Variants in ZNF474 observed in about 807,000 individuals in gnomAD.
ZNF474 encodes 4933409D10Rik.
For synonymous variants in ZNF474, 192 were observed against 162.2 expected (o/e 1.18, Z -1.39); for missense variants, 511 against 433.8 (o/e 1.18, Z -1.58).
At position 122,152,966 on chromosome 5, in the gene ZNF474, C is replaced by G; in HGVS notation, c.976C>G (p.Leu326Val). The change falls in exon 2 of 2, where the codon CTA becomes GTA. Residue 326 changes from leucine (L) to valine (V), a missense_variant. By Grantham distance (32) the Leu-to-Val change is conservative (BLOSUM62 1). Coordinates refer to ENST00000296600, the MANE Select transcript of ZNF474 (RefSeq NM_207317.3). ...QNLNLGSKGG[L>V]KEYTNSKQQR... ...TTTGAATTTAGGGAGTAAAGGAGGC[C>G]TAAAAGAGTACACTAATTCCAAGCA... The G allele has an allele frequency of 6.2e-7, 1 of 1,613,954 alleles. No homozygotes were observed. Among genetic ancestry groups the G allele is most frequent in the Non-Finnish European group, 8.5e-7 (1 of 1,180,020 alleles).
rs1157775097 is a variant in ZNF474, at chr5:122,152,104, T to C, written c.114T>C (p.Tyr38=). 2 of 1,614,190 alleles carry C rather than the reference T, an allele frequency of 1.2e-6. No homozygotes were observed. The highest frequency in any genetic ancestry group is 1.7e-6 in the Non-Finnish European group (2 of 1,180,016). Residue 38 remains tyrosine (Y), a synonymous_variant, in exon 2 of 2, where the codon TAT becomes TAC. Transcript: ENST00000296600. ...CTGGGCTTCTCTCTAGTGACTCCTA[T>C]TCTAGCCTTTCCCCAGAAACAGAGA... The part of the protein sequence containing the change: ...NQAGLLSSDS[Y]SSLSPETESV...
chr5:122,147,409 T>G (rs1438247425), intron 1 of ZNF474, among the ~76,000 whole-genome samples: 1 of 152,190 alleles, frequency 6.6e-6, no homozygotes, highest in Non-Finnish European at 1.5e-5. Context: ...AGTTCTAGGG[T>G]AAATGTGCAC....
At position 122,152,824 on chromosome 5, in the gene ZNF474, A is replaced by G. The variant is rs747994646; in HGVS notation, c.834A>G (p.Gly278=). 1.2e-6 allele frequency: 2 copies of G among 1,614,154 alleles called. No homozygotes were observed. Among genetic ancestry groups the G allele is most frequent in the Non-Finnish European group, 1.7e-6 (2 of 1,180,012 alleles). ...PLPNAQSSQA[G]PNQAQLVFCP... ...CGAATGCACAGTCCAGCCAAGCGGG[A>G]CCAAATCAAGCTCAGCTTGTGTTCT... Residue 278 remains glycine, a synonymous_variant, in exon 2 of 2, where the codon GGA becomes GGG. Coordinates refer to ENST00000296600, the MANE Select transcript of ZNF474 (RefSeq NM_207317.3).
At chr5:122,148,867 G>C (rs752954515) in intron 1 of ZNF474, among the ~76,000 whole-genome samples, 5 of 151,866 alleles carry the variant, frequency 3.3e-5, no homozygotes, top group Admixed American at 1.3e-4. Context: ...CTCCTGAGTA[G>C]CTGGGATTAC....
chr5:122,152,013 G>A lies in ZNF474; in HGVS notation c.23G>A (p.Arg8Lys). Reference protein sequence around the residue: MERGKKKRISNKLQQTFH... With the variant: MERGKKKKISNKLQQTFH... ...TTAATGGAAAGAGGAAAGAAGAAAA[G>A]AATTTCCAATAAGTTACAACAAACT... Residue 8 changes from arginine to lysine, a missense_variant, in exon 2 of 2, where the codon AGA becomes AAA. Arg to Lys is a conservative substitution (Grantham distance 26). Coordinates refer to ENST00000296600, the MANE Select transcript of ZNF474 (RefSeq NM_207317.3). 6.2e-7 allele frequency: 1 copy of A among 1,609,690 alleles called. No homozygotes were observed. The highest frequency in any genetic ancestry group is 8.5e-7 in the Non-Finnish European group (1 of 1,179,020).
intron 1 of ZNF474, among the ~76,000 whole-genome samples, chr5:122,131,025 T>G (rs993567585): frequency 4.6e-5 from 7 of 152,156 alleles, no homozygotes; most frequent in Non-Finnish European, 8.8e-5. Flanking sequence ...ATGGTAACCA[T>G]TATTGCACTC....
Position 122,152,321 on chromosome 5 carries a change from A to G in ZNF474, c.331A>G (p.Ile111Val). ...GREFGSQSIA[I>V]HEPQCLQKWH... ...AGAATTTGGGTCCCAGTCAATTGCC[A>G]TTCATGAACCCCAGTGCTTGCAGAA... The change falls in exon 2 of 2, where the codon ATT becomes GTT. Residue 111 changes from isoleucine (I) to valine (V), a missense_variant. Ile to Val is a conservative substitution (Grantham distance 29, BLOSUM62 3). Transcript: ENST00000296600. The G allele has an allele frequency of 6.2e-7, 1 of 1,614,148 alleles. No individual in the cohort carries two copies.
chr5:122,136,757 GCTGT>G (rs1755712858), intron 1 of ZNF474, among the ~76,000 whole-genome samples: 2 of 152,098 alleles, frequency 1.3e-5, no homozygotes, highest in Non-Finnish European at 2.9e-5. Context: ...ATATTACAAA[GCTGT>G]CTGATAACAC....
chr5:122,131,308 G>A (rs1450427174), intron 1 of ZNF474, among the ~76,000 whole-genome samples: 3 of 151,980 alleles, frequency 2.0e-5, no homozygotes, highest in Non-Finnish European at 4.4e-5. Flanking sequence ...TCCCACTGCT[G>A]GGTATATATC....
Position 122,152,411 on chromosome 5 carries a change from T to C in ZNF474, c.421T>C (p.Ser141Pro). 1 of 1,614,120 alleles carries C rather than the reference T, an allele frequency of 6.2e-7. No individual in the cohort carries two copies. Residue 141 changes from serine (S) to proline (P), a missense_variant, in exon 2 of 2, where the codon TCT becomes CCT. Transcript: ENST00000296600. ...GAGGCCAGAACCCTCCAAACCACAG[T>C]CTCTCAGCAGCAGTGGGTCCTACAG... The part of the protein sequence containing the change: ...LRRPEPSKPQ[S>P]LSSSGSYSLQ...
intron 1 of ZNF474, among the ~76,000 whole-genome samples, chr5:122,146,734 G>A (rs559535703): frequency 3.9e-5 from 6 of 152,298 alleles, no homozygotes; most frequent in African/African-American, 1.2e-4. Flanking sequence ...GGGCTTCTAT[G>A]ATGGTTCCAG....
rs76644132 is a variant in ZNF474, at chr5:122,142,442, G to C, written c.-212-9337G>C. The stretch of plus-strand genomic sequence containing the variant: ...AGTTATTGGTCATGGAGTGGAAGGA[G>C]GCTTTCTATAAATGTTGAACCACAA... On this transcript the variant is annotated intron_variant, in intron 1 of 1. Transcript: ENST00000296600. Among the ~76,000 whole-genome samples the C allele has an allele frequency of 4.9e-3, 747 of 152,280 alleles. 7 individuals are homozygous for C. The highest frequency in any genetic ancestry group is 0.017 in the African/African-American group (722 of 41,558).
chr5:122,140,829 A>C (rs530616081), intron 1 of ZNF474, among the ~76,000 whole-genome samples: 12 of 152,226 alleles, frequency 7.9e-5, no homozygotes, highest in Non-Finnish European at 5.9e-5. Context: ...TGGGCACCAC[A>C]GGCAGCATCT....
chr5:122,153,062 C>T lies in ZNF474; in HGVS notation c.1072C>T (p.Pro358Ser), dbSNP rs1243563571. The T allele has an allele frequency of 2.5e-6, 4 of 1,612,210 alleles. No homozygotes were observed. The South Asian group carries it at 4.4e-5, about 18-fold the overall frequency. The change falls in exon 2 of 2, where the codon CCT (proline) becomes TCT (serine). Residue 358 changes from proline (P) to serine (S), a missense_variant. By Grantham distance (74) the Pro-to-Ser change is moderately conservative (BLOSUM62 -1). Coordinates refer to ENST00000296600, the MANE Select transcript of ZNF474 (RefSeq NM_207317.3). ...IHATQDALGE[P>S]GGALCL Reference sequence around the variant, plus strand: ...TGCCACACAAGACGCATTAGGTGAACCTGGTGGTGCCCTCTGCCTGTAGGG... The same window carrying T: ...TGCCACACAAGACGCATTAGGTGAATCTGGTGGTGCCCTCTGCCTGTAGGG...
At chr5:122,133,630 G>C (rs544099483) in intron 1 of ZNF474, among the ~76,000 whole-genome samples, 24 of 152,274 alleles carry the variant, frequency 1.6e-4, no homozygotes, top group African/African-American at 5.5e-4. Flanking sequence ...CACAATCACA[G>C]CTCACTGCAC....
Position 122,151,966 on chromosome 5 carries a change from G to C in ZNF474, c.-25G>C. 2 of 1,591,028 alleles carry C rather than the reference G, an allele frequency of 1.3e-6. No individual in the cohort carries two copies. Among genetic ancestry groups the C allele is most frequent in the Non-Finnish European group, 1.7e-6 (2 of 1,173,310 alleles). ...TGAGTCTGGCCTGAAATCAGAGCAA[G>C]CACTACAGAAAGACATCTTTGTTAA... On this transcript the variant is annotated 5_prime_UTR_variant, in exon 2 of 2. Transcript: ENST00000296600.
intron 1 of ZNF474, among the ~76,000 whole-genome samples, chr5:122,134,979 A>G (rs1755667202): frequency 6.6e-6 from 1 of 152,218 alleles, no homozygotes; most frequent in South Asian, 2.1e-4. Flanking sequence ...ACAGGCAACC[A>G]AAACAAAAAT....
intron 1 of ZNF474, among the ~76,000 whole-genome samples, chr5:122,148,185 T>C (rs1288411728): frequency 1.3e-5 from 2 of 152,264 alleles, no homozygotes; most frequent in Non-Finnish European, 2.9e-5. Flanking sequence ...TGCTGTGCCA[T>C]GGCATGTTGC....
chr5:122,153,265 C>A lies in ZNF474; in HGVS notation c.*180C>A, dbSNP rs529155402. ...ATCCTTGCCTGATGGGTTCATATTC[C>A]TCTTCAATTCTGCTGTCTAAAAGAA... On this transcript the variant is annotated 3_prime_UTR_variant, in exon 2 of 2. Coordinates refer to ENST00000296600, the MANE Select transcript of ZNF474 (RefSeq NM_207317.3). 7 of 629,270 alleles carry A rather than the reference C, an allele frequency of 1.1e-5. No individual in the cohort carries two copies. The South Asian group carries it at 2.5e-4, about 23-fold the overall frequency. 39.0% of individuals were successfully genotyped at this position (629,270 alleles called of 1,614,324 possible).
Sources: allele counts gnomAD v4.1 joint callset (sites outside exome capture counted in the v4.1 genomes callset), GRCh38; gene constraint gnomAD v4.1.1; transcripts MANE v1.5; gene names NCBI Gene and HGNC (gene_info 2026-07-23, HGNC 2026-07-21).